Variants in MYH8 observed in about 807,000 individuals in gnomAD.
MYH8 encodes myosin-8.
MYH8 carries 168 observed loss-of-function variants against 233.2 expected under a neutral mutation model. The ratio of observed to expected loss-of-function variants is 0.72; its 90% CI spans 0.64 to 0.82. The LOEUF (loss-of-function observed/expected upper bound fraction) is 0.82. MYH8 is among the 40% of genes least tolerant of loss of function. The pLI is 0.00. For missense variants in MYH8, 1,995 were observed against 2,327.8 expected, an observed-to-expected ratio of 0.86 and a Z score of 2.94; for synonymous variants, 785 against 850.6, an observed-to-expected ratio of 0.92 and a Z score of 1.34.
At position 10,399,564 on chromosome 17, in the gene MYH8, C is replaced by G; in HGVS notation, c.3841G>C (p.Ala1281Pro). The G allele has an allele frequency of 8.7e-6, 14 of 1,613,810 alleles. No individual in the cohort carries two copies. Among genetic ancestry groups the G allele is most frequent in the Non-Finnish European group, 1.2e-5 (14 of 1,179,994 alleles). The change falls in exon 28 of 40, where the codon GCG (alanine) becomes CCG (proline). Residue 1281 changes from alanine to proline, a missense_variant. By Grantham distance (27) the Ala-to-Pro change is conservative. Coordinates refer to ENST00000403437, the MANE Select transcript of MYH8 (RefSeq NM_002472.3). ...TTACCCGCTTCTGTCTGCAGGCGCG[C>G]TCTCTGTGCTGTGAGGTCATTGATC... Reference protein sequence around the residue: ...RLINDLTAQRARLQTEAGEYS... With the variant: ...RLINDLTAQRPRLQTEAGEYS...
chr17:10,416,045 T>G lies in MYH8; in HGVS notation c.512-337A>C, dbSNP rs141885458. Reference sequence around the variant, plus strand: ...GTTGTAAAATCATCATCACCCTTCATCTCCGTAATTCTTTTCACCTTGTCA... The same window carrying G: ...GTTGTAAAATCATCATCACCCTTCAGCTCCGTAATTCTTTTCACCTTGTCA... On this transcript the variant is annotated intron_variant, in intron 5 of 39. Transcript: ENST00000403437. Among the ~76,000 whole-genome samples, 1,224 of 152,292 alleles carry G rather than the reference T, an allele frequency of 8.0e-3. 20 individuals carry two copies. Among genetic ancestry groups the G allele is most frequent in the African/African-American group, 0.028 (1,169 of 41,548 alleles).
At chr17:10,398,973 TA>T in intron 28 of MYH8, 87 bp from the exon 29 acceptor site, 1 of 636,242 alleles carries the variant, frequency 1.6e-6, no homozygotes, top group Non-Finnish European at 2.7e-6. Context: ...TGTGTATATA[TA>T]TATGTATATA....
chr17:10,420,004 C>T lies in MYH8; in HGVS notation c.210+14G>A. ...AAATAAAATGGGGAGTATTTTCTCC[C>T]TGTTTTCACTTACTGCTCCACCTTC... On this transcript the variant is annotated intron_variant, in intron 3 of 39. Transcript: ENST00000403437. 6.2e-7 allele frequency: 1 copy of T among 1,612,742 alleles called. No individual in the cohort carries two copies. The highest frequency in any genetic ancestry group is 8.5e-7 in the Non-Finnish European group (1 of 1,178,854).
At chr17:10,421,488 G>A (rs538348892) in intron 2 of MYH8, among the ~76,000 whole-genome samples, 175 bp downstream of exon 2, 2 of 152,112 alleles carry the variant, frequency 1.3e-5, no homozygotes, top group Non-Finnish European at 2.9e-5. Flanking sequence ...GATAGTCTCT[G>A]AGAAGAAGAC....
chr17:10,394,102 C>T, intron 35 of MYH8, 147 bp downstream of exon 35: 1 of 1,048,328 alleles, frequency 9.5e-7, no homozygotes, highest in Admixed American at 2.3e-5. Context: ...CCACCAATTA[C>T]CCTAAGATAA....
chr17:10,402,503 C>T (rs2190731), intron 22 of MYH8, among the ~76,000 whole-genome samples: 86,810 of 151,772 alleles, frequency 0.57, 25,728 homozygotes, highest in African/African-American at 0.67. Flanking sequence ...TTAAACTTAC[C>T]GAATAGCTGT....
chr17:10,393,053 A>T, intron 36 of MYH8, 32 bp downstream of exon 36: 2 of 1,614,226 alleles, frequency 1.2e-6, no homozygotes, highest in South Asian at 1.1e-5. Context: ...TAGCAGGTGC[A>T]TACGTGTCAG....
rs1300256966 is a variant in MYH8 at position 10,406,738 on chromosome 17, C to T, written c.2123G>A (p.Cys708Tyr). ...CNGVLEGIRI[C>Y]RKGFPSRILY... ...GATTCTGCTTGGGAATCCTTTCCTA[C>T]AGATGCGGATGCCTTCCAGCACACC... Residue 708 changes from cysteine to tyrosine, a missense_variant, in exon 19 of 40, where the codon TGT becomes TAT. By Grantham distance (194) the Cys-to-Tyr change is radical. Coordinates refer to ENST00000403437, the MANE Select transcript of MYH8 (RefSeq NM_002472.3). 2 of 1,614,164 alleles carry T rather than the reference C, an allele frequency of 1.2e-6. No individual in the cohort carries two copies. Among genetic ancestry groups the T allele is most frequent in the Non-Finnish European group, 1.7e-6 (2 of 1,180,016 alleles).
At chr17:10,407,630 G>A (rs1201339803) in intron 17 of MYH8, among the ~76,000 whole-genome samples, 1 of 152,052 alleles carries the variant, frequency 6.6e-6, no homozygotes, top group African/African-American at 2.4e-5. Flanking sequence ...CATGAGGTCA[G>A]GAGTTCGAGA....
intron 33 of MYH8, among the ~76,000 whole-genome samples, chr17:10,395,962 C>A (rs1433133016): frequency 6.6e-6 from 1 of 151,950 alleles, no homozygotes; most frequent in Admixed American, 6.6e-5. Context: ...TTTACATAAT[C>A]AAAATTATAT....
chr17:10,407,917 G>C (rs2072209696), intron 17 of MYH8, among the ~76,000 whole-genome samples: 1 of 151,276 alleles, frequency 6.6e-6, no homozygotes, highest in African/African-American at 2.4e-5. Context: ...GGGTACCTGA[G>C]ACTAGATATA....
In MYH8 at chr17:10,400,506, C is replaced by T. The variant is rs571189404; in HGVS notation, c.3619G>A (p.Gly1207Arg). The T allele has an allele frequency of 3.7e-6, 6 of 1,614,214 alleles. No individual in the cohort carries two copies. In the Admixed American group the frequency reaches 8.3e-5, roughly 22 times the overall value. Residue 1207 changes from glycine to arginine, a missense_variant, in exon 27 of 40, where the codon GGG (glycine) becomes AGG (arginine). Gly to Arg is a moderately radical substitution (Grantham distance 125, BLOSUM62 -2). This residue lies in a region of MYH8 where 1,498 missense variants were observed against 1,680.9 expected (regional missense o/e 0.89). Coordinates refer to ENST00000403437, the MANE Select transcript of MYH8 (RefSeq NM_002472.3). This position sits in a 1 kb window ranked among gnomAD's most constrained non-coding sequence, Gnocchi z 4.0. ...CGCTGCAAGTTGTCAATCTGCTCCC[C>T]AAGCTCAGCCATACTGTCTGCGTGC... ...KKHADSMAEL[G>R]EQIDNLQRVK...
In MYH8 at chr17:10,400,490, T is replaced by G; in HGVS notation, c.3635A>C (p.Asn1212Thr). The change falls in exon 27 of 40, where the codon AAC (asparagine) becomes ACC (threonine). Residue 1212 changes from asparagine (N) to threonine (T), a missense_variant. Physicochemically the swap from Asn to Thr is moderately conservative, Grantham distance 65 (BLOSUM62 0). Around this residue, in one of 3 missense-constraint regions of MYH8, gnomAD observed 1,498 missense variants for 1,680.9 expected, o/e 0.89. Transcript: ENST00000403437. The surrounding 1 kb of genome is among the most constrained non-coding windows in gnomAD (Gnocchi z 4.0). ...CAGCTTCTGTTTGACCCGCTGCAAG[T>G]TGTCAATCTGCTCCCCAAGCTCAGC... is the stretch of plus-strand genomic sequence containing the variant. ...SMAELGEQID[N>T]LQRVKQKLEK... The G allele has an allele frequency of 6.2e-7, 1 of 1,614,208 alleles. No individual in the cohort carries two copies. Among genetic ancestry groups the G allele is most frequent in the Non-Finnish European group, 8.5e-7 (1 of 1,180,042 alleles).
At position 10,406,692 on chromosome 17, in the gene MYH8, T is replaced by C. The variant is rs752492309; in HGVS notation, c.2169A>G (p.Gln723=). The C allele has an allele frequency of 6.2e-7, 1 of 1,612,740 alleles. No homozygotes were observed. Among genetic ancestry groups the C allele is most frequent in the Non-Finnish European group, 8.5e-7 (1 of 1,178,808 alleles). The change falls in exon 19 of 40, where the codon CAA becomes CAG. Residue 723 remains glutamine, a splice_region_variant and synonymous_variant. Transcript: ENST00000403437. The stretch of plus-strand genomic sequence containing the variant: ...GAAATACATCAAAGAAGACTGACCT[T>C]TGTTTGAAATCACCATATAAGATTC... The part of the protein sequence containing the change: ...PSRILYGDFK[Q]RYKVLNASAI...
At chr17:10,409,007 C>T in intron 17 of MYH8, 90 bp downstream of exon 17, 1 of 1,220,908 alleles carries the variant, frequency 8.2e-7, no homozygotes, top group Non-Finnish European at 1.2e-6. Flanking sequence ...TTCCTATTAA[C>T]ATTTTATTGC....
chr17:10,390,689 G>A (rs1410081324), intron 39 of MYH8, 86 bp from the exon 40 acceptor site: 4 of 1,466,346 alleles, frequency 2.7e-6, no homozygotes, highest in East Asian at 4.5e-5. Flanking sequence ...CTCAAATCAG[G>A]TATTTCCTTC....
At chr17:10,416,740 C>T (rs1164143980) in intron 5 of MYH8, among the ~76,000 whole-genome samples, 1 of 151,740 alleles carries the variant, frequency 6.6e-6, no homozygotes, top group African/African-American at 2.4e-5. Flanking sequence ...ATAATGAATC[C>T]CCATGTGCCC....
In MYH8 at chr17:10,415,197, G is replaced by T. The variant is rs779903163; in HGVS notation, c.742-18C>A. The T allele has an allele frequency of 6.2e-7, 1 of 1,609,598 alleles. No homozygotes were observed. The highest frequency in any genetic ancestry group is 8.5e-7 in the Non-Finnish European group (1 of 1,175,880). On this transcript the variant is annotated intron_variant, in intron 8 of 39. Transcript: ENST00000403437. This position sits in a 1 kb window ranked among gnomAD's most constrained non-coding sequence, Gnocchi z 4.1. The stretch of plus-strand genomic sequence containing the variant: ...AATTTACCCTTGAAAAGAATATTTA[G>T]TATTAGAAAACTGAAACACAAAGAG...
At position 10,406,130 on chromosome 17, in the gene MYH8, A is replaced by G. The variant is rs747644990; in HGVS notation, c.2343T>C (p.Asp781=). 1.7e-5 allele frequency: 27 copies of G among 1,613,966 alleles called. 1 individual carries two copies. Among genetic ancestry groups the G allele is most frequent in the East Asian group, 2.2e-5 (1 of 44,884 alleles). The change falls in exon 21 of 40, where the codon GAT becomes GAC. Residue 781 remains aspartate (D), a synonymous_variant. Coordinates refer to ENST00000403437, the MANE Select transcript of MYH8 (RefSeq NM_002472.3). ...TTGTTATAATTTGGGCTAATTTTTCATCTCTCATTTCTTCCAGAAGACCCA... is the reference window on the plus strand; with the variant it reads ...TTGTTATAATTTGGGCTAATTTTTCGTCTCTCATTTCTTCCAGAAGACCCA... The part of the protein sequence containing the change: ...GLLGLLEEMR[D]EKLAQIITRT...
Sources: allele counts gnomAD v4.1 joint callset (sites outside exome capture counted in the v4.1 genomes callset), GRCh38; gene constraint gnomAD v4.1.1; regional missense constraint gnomAD v4.1.1; non-coding constraint Gnocchi (gnomAD v3.1); transcripts MANE v1.5; gene names NCBI Gene and HGNC (gene_info 2026-07-23, HGNC 2026-07-21).